The following CMKLR2 variants were observed in gnomAD, a reference collection of about 807,000 sequenced individuals.
CMKLR2 encodes the protein chemerin-like receptor 2.
CMKLR2 carries 18 observed loss-of-function variants against 23.0 expected under a neutral mutation model. The ratio of observed to expected loss-of-function variants is 0.78; its 90% CI spans 0.54 to 1.16. The LOEUF is 1.16. Ranked by LOEUF, CMKLR2 falls within the 50% of genes most tolerant of loss-of-function variation. CMKLR2 has a pLI of 0.00. For synonymous variants in CMKLR2, 158 were observed against 158.9 expected (o/e 0.99, Z 0.05); for missense variants, 401 against 412.7 (o/e 0.97, Z 0.25).
chr2:206,211,505 A>G (rs1689559996), intron 1 of CMKLR2, among the ~76,000 whole-genome samples: 1 of 151,902 alleles, frequency 6.6e-6, no homozygotes, highest in South Asian at 2.1e-4. Context: ...TTGTATTTTT[A>G]GTAGAGACAG....
chr2:206,216,213 G>C (rs1346974767), upstream of CMKLR2, among the ~76,000 whole-genome samples: 1 of 152,174 alleles, frequency 6.6e-6, no homozygotes, highest in Non-Finnish European at 1.5e-5. Flanking sequence ...TAGCACTTTG[G>C]GAGGTGGAGG....
chr2:206,217,480 G>A (rs1054507638), upstream of CMKLR2: 42 of 152,178 alleles, frequency 2.8e-4, no homozygotes, highest in Admixed American at 2.4e-3. Context: ...TGAGGACGAA[G>A]CCTTGTCTAG....
At chr2:206,210,532 TA>T (rs1297378020) in intron 1 of CMKLR2, among the ~76,000 whole-genome samples, 4 of 151,434 alleles carry the variant, frequency 2.6e-5, no homozygotes, top group Non-Finnish European at 4.4e-5. Context: ...AATCTTGGCT[TA>T]CTGCAACCTC....
chr2:206,214,728 A>G (rs1373713200), upstream of CMKLR2, among the ~76,000 whole-genome samples: 4 of 151,744 alleles, frequency 2.6e-5, no homozygotes, highest in African/African-American at 7.3e-5. Context: ...GGTTAACGCC[A>G]TTCTCCTGCC....
chr2:206,188,690 T>C (rs1043772816), intron 1 of CMKLR2, among the ~76,000 whole-genome samples: 3 of 152,198 alleles, frequency 2.0e-5, no homozygotes, highest in Admixed American at 1.3e-4. Context: ...ATTCAGCTGC[T>C]TGGAGGACCC....
At position 206,189,566 on chromosome 2, in the gene CMKLR2, T is replaced by C. The variant is rs369517660; in HGVS notation, c.-28-12291A>G. On this transcript the variant is annotated intron_variant, in intron 1 of 1. Transcript: ENST00000621141. ...AGGAGAATTGCTTGAACTCAGGAGG[T>C]GGAGGTTGCAATGAGCAAAGATGGT... is the stretch of plus-strand genomic sequence containing the variant. 1.4e-4 allele frequency among the ~76,000 whole-genome samples: 21 copies of C among 149,998 alleles called. No homozygotes were observed. The East Asian group carries it at 2.9e-3, about 21-fold the overall frequency.
At chr2:206,205,879 A>G (rs1056676645) in intron 1 of CMKLR2, among the ~76,000 whole-genome samples, 1 of 150,914 alleles carries the variant, frequency 6.6e-6, no homozygotes, top group Non-Finnish European at 1.5e-5. Flanking sequence ...TTGTATTTTT[A>G]GTAGAGATGG....
At chr2:206,204,353 CAAA>C (rs373840930) in intron 1 of CMKLR2, among the ~76,000 whole-genome samples, 1 of 44,210 alleles carries the variant, frequency 2.3e-5, no homozygotes, top group Non-Finnish European at 4.4e-5. Context: ...GACTCCATCT[CAAA>C]AAAAAAAAAA....
intron 1 of CMKLR2, among the ~76,000 whole-genome samples, chr2:206,207,637 GTTA>G (rs1187597688): frequency 7.0e-6 from 1 of 143,410 alleles, no homozygotes; most frequent in Non-Finnish European, 1.5e-5. Flanking sequence ...GGGAGGTACT[GTTA>G]TTATTCCTAC....
At chr2:206,199,877 C>T (rs779979077) in intron 1 of CMKLR2, among the ~76,000 whole-genome samples, 33 of 152,008 alleles carry the variant, frequency 2.2e-4, no homozygotes, top group Non-Finnish European at 3.5e-4. Flanking sequence ...ACACCGTGCC[C>T]GGCCCTATGA....
At chr2:206,183,543 C>T (rs149835346) in intron 1 of CMKLR2, among the ~76,000 whole-genome samples, 1 of 152,256 alleles carries the variant, frequency 6.6e-6, no homozygotes, top group East Asian at 1.9e-4. Flanking sequence ...CAGAGAGGTT[C>T]CTAATCTTCC....
At chr2:206,200,467 A>G (rs1689059476) in intron 1 of CMKLR2, among the ~76,000 whole-genome samples, 1 of 152,262 alleles carries the variant, frequency 6.6e-6, no homozygotes, top group Non-Finnish European at 1.5e-5. Context: ...AAGGATGGAT[A>G]TAGGCACATA....
At chr2:206,192,309 T>A (rs893179003) in intron 1 of CMKLR2, among the ~76,000 whole-genome samples, 3 of 149,576 alleles carry the variant, frequency 2.0e-5, no homozygotes, top group East Asian at 1.9e-4. Flanking sequence ...TTTATTTATT[T>A]TTTTTTTATT....
intron 1 of CMKLR2, among the ~76,000 whole-genome samples, chr2:206,185,929 C>G (rs1336179677): frequency 2.0e-5 from 3 of 152,108 alleles, no homozygotes; most frequent in African/African-American, 7.2e-5. Flanking sequence ...GATGAGCCAC[C>G]TTGCACCAAG....
chr2:206,190,014 C>A (rs527787339), intron 1 of CMKLR2, among the ~76,000 whole-genome samples: 1 of 152,134 alleles, frequency 6.6e-6, no homozygotes, highest in South Asian at 2.1e-4. Flanking sequence ...CCAAGGGAAG[C>A]AAAGGGAGGT....
rs1034322289 is a variant in CMKLR2, at chr2:206,184,131, T to C, written c.-28-6856A>G. On this transcript the variant is annotated intron_variant, in intron 1 of 1. Transcript: ENST00000621141. Reference sequence around the variant, plus strand: ...TTTGGCCTTCCTTGGCTTGTACATGTGTTACGCTGATCTCTGCCTACATCT... The same window carrying C: ...TTTGGCCTTCCTTGGCTTGTACATGCGTTACGCTGATCTCTGCCTACATCT... Among the ~76,000 whole-genome samples the C allele has an allele frequency of 2.6e-5, 4 of 152,212 alleles. No individual in the cohort carries two copies. The East Asian group carries it at 7.7e-4, about 29-fold the overall frequency.
chr2:206,216,771 ATTGTAAAAGAGAAGAT>A (rs1444584108), upstream of CMKLR2, among the ~76,000 whole-genome samples: 4 of 152,216 alleles, frequency 2.6e-5, no homozygotes, highest in African/African-American at 9.6e-5. Flanking sequence ...AAGATATTAC[ATTGTAAAAGAGAAGAT>A]TTATATTAAT....
intron 1 of CMKLR2, among the ~76,000 whole-genome samples, chr2:206,189,952 T>A (rs1688698636): frequency 6.6e-6 from 1 of 152,118 alleles, no homozygotes; most frequent in Non-Finnish European, 1.5e-5. Context: ...GATCTCTGCT[T>A]GGAAGGCGTT....
At position 206,176,973 on chromosome 2, in the gene CMKLR2, A is replaced by G. The variant is rs1688247583; in HGVS notation, c.275T>C (p.Leu92Pro). 6.2e-7 allele frequency: 1 copy of G among 1,614,236 alleles called. No homozygotes were observed. Among genetic ancestry groups the G allele is most frequent in the Non-Finnish European group, 8.5e-7 (1 of 1,180,046 alleles). Reference sequence around the variant, plus strand: ...ATTCATGGCCACATAGGAGATGTACAGGGGCAGAAAGAGAAGAAAAATGAA... The same window carrying G: ...ATTCATGGCCACATAGGAGATGTACGGGGGCAGAAAGAGAAGAAAAATGAA... ...ADFIFLLFLP[L>P]YISYVAMNFH... is the part of the protein sequence containing the mutation. The change falls in exon 2 of 2, where the codon CTG (leucine) becomes CCG (proline). Residue 92 changes from leucine to proline, a missense_variant. Coordinates refer to ENST00000621141, the MANE Select transcript of CMKLR2 (RefSeq NM_001389445.1).
Sources: gnomAD v4.1 joint callset for allele counts (sites outside exome capture counted in the v4.1 genomes callset) on GRCh38, gnomAD v4.1.1 for gene constraint, MANE v1.5 for transcripts, NCBI Gene and HGNC (gene_info 2026-07-23, HGNC 2026-07-21) for gene names.